ANKRD30B: variants seen among roughly 807,000 people sequenced by gnomAD.
The protein encoded by ANKRD30B is ankyrin repeat domain-containing protein 30B.
A neutral mutation model predicts 202.2 loss-of-function variants in ANKRD30B; 144 were observed. The observed-to-expected ratio is 0.71, with a 90% CI of 0.62 to 0.82. The LOEUF (loss-of-function observed/expected upper bound fraction) is 0.82. Among genes scored for constraint, ANKRD30B ranks in the 40% least tolerant of loss-of-function variants. The probability of loss-of-function intolerance (pLI) is 0.00; values close to 1 mark genes in which losing one functional copy is unlikely to be tolerated. For missense variants in ANKRD30B, 1,487 were observed against 1,669.1 expected (o/e 0.89, Z 1.90); for synonymous variants, 508 against 561.3 (o/e 0.91, Z 1.34).
At chr18:14,787,297 A>G (rs1968152421) in intron 15 of ANKRD30B, among the ~76,000 whole-genome samples, 197 bp downstream of exon 15, 1 of 152,184 alleles carries the variant, frequency 6.6e-6, no homozygotes, top group African/African-American at 2.4e-5. Flanking sequence ...GTGAATTTGT[A>G]GGATTAATTT....
the ANKRD30B span, among the ~76,000 whole-genome samples, chr18:14,931,720 G>A: frequency 1.3e-5 from 2 of 152,094 alleles, no homozygotes; most frequent in Admixed American, 6.5e-5. Flanking sequence ...ATGGCCTTAG[G>A]CGAAGTACAG....
rs1424782980 is a variant in ANKRD30B, at chr18:14,748,746, G to A, written c.221+106G>A. The A allele has an allele frequency of 1.2e-5, 14 of 1,206,718 alleles. No homozygotes were observed. The African/African-American group carries it at 2.0e-4, about 17-fold the overall frequency. The allele number at this position is 1,206,718 out of a possible 1,614,324, so 74.8% of individuals were successfully genotyped here. A position where few individuals can be genotyped will look rare whatever the true frequency, so the allele number is the denominator to read the frequency against. On this transcript the variant is annotated intron_variant, in intron 1 of 43. Coordinates refer to ENST00000690538, the MANE Select transcript of ANKRD30B (RefSeq NM_001367607.2). Reference sequence around the variant, plus strand: ...GGTCCTGGGGACGAGGGGAGCAGGTGGAGGAGTGGCGGGCGATGGGGCGGC... The same window carrying A: ...GGTCCTGGGGACGAGGGGAGCAGGTAGAGGAGTGGCGGGCGATGGGGCGGC...
intron 22 of ANKRD30B, among the ~76,000 whole-genome samples, chr18:14,800,688 A>G (rs1781686930): frequency 7.8e-6 from 1 of 128,198 alleles, no homozygotes; most frequent in Non-Finnish European, 1.6e-5. Flanking sequence ...ACTACTTTTT[A>G]AAAGTATTCT....
the ANKRD30B span, among the ~76,000 whole-genome samples, chr18:14,929,709 G>T: frequency 6.6e-6 from 1 of 152,066 alleles, no homozygotes; most frequent in Non-Finnish European, 1.5e-5. Flanking sequence ...TGACTATGAC[G>T]GGCAAAGTTA....
At chr18:14,938,040 T>G in the ANKRD30B span, among the ~76,000 whole-genome samples, 456 of 152,336 alleles carry the variant, frequency 3.0e-3, 8 homozygotes, top group Admixed American at 0.026. Flanking sequence ...GCACTGATGA[T>G]GCTCATCTTC....
At chr18:14,893,174 T>C in the ANKRD30B span, among the ~76,000 whole-genome samples, 1 of 152,196 alleles carries the variant, frequency 6.6e-6, no homozygotes. Context: ...CAACCCTATT[T>C]TCTAGTCTAT....
chr18:14,815,426 G>A (rs1343172981), intron 30 of ANKRD30B, among the ~76,000 whole-genome samples: 1 of 152,066 alleles, frequency 6.6e-6, no homozygotes, highest in Non-Finnish European at 1.5e-5. Context: ...AAGTTGTCAG[G>A]CGATGCTGAT....
intron 42 of ANKRD30B, among the ~76,000 whole-genome samples, chr18:14,853,125 T>C (rs1971956789): frequency 6.6e-6 from 1 of 151,986 alleles, no homozygotes; most frequent in Non-Finnish European, 1.5e-5. Flanking sequence ...ATAATTTATT[T>C]TGAATATTGT....
rs576875141 is a variant in ANKRD30B at position 14,828,290 on chromosome 18, C to T, written c.2756C>T (p.Ser919Phe). 2.2e-4 allele frequency: 344 copies of T among 1,532,782 alleles called. No individual in the cohort carries two copies. In the East Asian group the frequency reaches 5.0e-3, roughly 22 times the overall value. 94.9% of individuals were successfully genotyped at this position (1,532,782 alleles called of 1,614,324 possible). The change falls in exon 33 of 44, where the codon TCT (serine) becomes TTT (phenylalanine). Residue 919 changes from serine (S) to phenylalanine (F), a missense_variant. This residue lies in a region of ANKRD30B where 218 missense variants were observed against 320.1 expected (regional missense o/e 0.68). Coordinates refer to ENST00000690538, the MANE Select transcript of ANKRD30B (RefSeq NM_001367607.2). ...TTTTCTTTAATAGAGGATGTGAGTT[C>T]TGTAGAGTCCACATTCAGGTAAGAC... ...RETFKAEDVSSVESTFSLFGK... is the reference protein window; with the variant it reads ...RETFKAEDVSFVESTFSLFGK...
downstream of ANKRD30B, among the ~76,000 whole-genome samples, chr18:14,855,975 C>T (rs1972096607): frequency 7.1e-6 from 1 of 140,380 alleles, no homozygotes; most frequent in African/African-American, 2.7e-5. Context: ...TGATGGGCAG[C>T]TGGGCAAAGG....
rs571102084 is a variant in ANKRD30B, at chr18:14,852,184, C to T, written c.4240C>T (p.Gln1414Ter). 8 of 1,594,244 alleles carry T rather than the reference C, an allele frequency of 5.0e-6. No individual in the cohort carries two copies. The highest frequency in any genetic ancestry group is 6.8e-6 in the Non-Finnish European group (8 of 1,170,168). Reference protein sequence around the residue: ...EQDNVDKHTEQQESLEQKLFQ... With the variant: ...EQDNVDKHTE ...AGATAATGTGGACAAACACACTGAA[C>T]AGCAGGAGTCTCTGGAGCAGAAATT... Residue 1414 changes from glutamine (Q) to a stop codon, truncating the protein, a stop_gained, in exon 42 of 44, where the codon CAG (glutamine) becomes TAG (stop). Coordinates refer to ENST00000690538, the MANE Select transcript of ANKRD30B (RefSeq NM_001367607.2). LOFTEE classifies it high-confidence loss of function.
chr18:14,790,046 TG>T (rs1170298729), intron 15 of ANKRD30B, among the ~76,000 whole-genome samples: 1 of 152,236 alleles, frequency 6.6e-6, no homozygotes, highest in Non-Finnish European at 1.5e-5. Flanking sequence ...TCCATTTGTT[TG>T]TATCCTCTTT....
chr18:14,896,492 T>G, the ANKRD30B span, among the ~76,000 whole-genome samples: 1 of 151,106 alleles, frequency 6.6e-6, no homozygotes, highest in Non-Finnish European at 1.5e-5. Context: ...TACTAATTTT[T>G]AAATGCAGCT....
At chr18:14,858,667 A>G (rs1243547213), downstream of ANKRD30B, among the ~76,000 whole-genome samples, 11 of 116,980 alleles carry the variant, frequency 9.4e-5, no homozygotes, top group African/African-American at 1.7e-4. Flanking sequence ...AGGCAGAGGC[A>G]CTCCTCACAT....
At chr18:14,911,676 T>C in the ANKRD30B span, among the ~76,000 whole-genome samples, 1 of 152,168 alleles carries the variant, frequency 6.6e-6, no homozygotes, top group Admixed American at 6.5e-5. Flanking sequence ...TGTTAGTAAT[T>C]TAATAGGAAT....
the ANKRD30B span, among the ~76,000 whole-genome samples, chr18:14,881,895 G>A: frequency 6.6e-6 from 1 of 152,184 alleles, no homozygotes; most frequent in African/African-American, 2.4e-5. Flanking sequence ...GTGCCAAAAG[G>A]TGTTCATAGT....
At chr18:14,910,022 C>G in the ANKRD30B span, 2 of 152,176 alleles carry the variant, frequency 1.3e-5, no homozygotes, top group African/African-American at 2.4e-5. Context: ...CAGATGATGT[C>G]AAGTGTATAT....
At chr18:14,908,558 C>T in the ANKRD30B span, among the ~76,000 whole-genome samples, 2 of 152,220 alleles carry the variant, frequency 1.3e-5, no homozygotes, top group Non-Finnish European at 2.9e-5. Flanking sequence ...GCCCCCTCCC[C>T]TAACCCTCTC....
intron 30 of ANKRD30B, among the ~76,000 whole-genome samples, chr18:14,815,957 A>C (rs1424067993): frequency 6.6e-6 from 1 of 152,182 alleles, no homozygotes; most frequent in Non-Finnish European, 1.5e-5. Context: ...ATTATTCTCT[A>C]AGTATATATC....
Sources: allele counts gnomAD v4.1 joint callset (sites outside exome capture counted in the v4.1 genomes callset), GRCh38; gene constraint gnomAD v4.1.1; regional missense constraint gnomAD v4.1.1; transcripts MANE v1.5; gene names NCBI Gene and HGNC (gene_info 2026-07-23, HGNC 2026-07-21).